Variants in ARRB1 observed in about 807,000 individuals in gnomAD.
ARRB1 encodes beta-arrestin-1.
In ARRB1, 21 loss-of-function variants were observed where a neutral mutation model predicts 56.8. That is an observed-to-expected ratio of 0.37 (90% confidence interval 0.26 to 0.53). ARRB1 has a LOEUF of 0.53. ARRB1 is among the 20% of genes least tolerant of loss of function. The pLI, the probability that ARRB1 is intolerant of heterozygous loss-of-function variation, is 0.88. For synonymous variants in ARRB1, 210 were observed against 218.6 expected, an observed-to-expected ratio of 0.96 and a Z score of 0.35; for missense variants, 424 against 553.7, an observed-to-expected ratio of 0.77 and a Z score of 2.35.
At chr11:75,266,315 G>A (rs1222393430) in intron 15 of ARRB1, 41 bp from the exon 16 acceptor site, 9 of 1,547,174 alleles carry the variant, frequency 5.8e-6, no homozygotes, top group Non-Finnish European at 8.0e-6. Context: ...GTTTGCAGGG[G>A]CAGGGAGAGT....
intron 1 of ARRB1, among the ~76,000 whole-genome samples, chr11:75,301,558 T>TA (rs200373325): frequency 0.023 from 3,577 of 152,284 alleles, 62 homozygotes; most frequent in Non-Finnish European, 0.035. Flanking sequence ...CTCAATCCCA[T>TA]ACGTTCCCCC....
intron 1 of ARRB1, among the ~76,000 whole-genome samples, chr11:75,329,065 G>C (rs1202883100): frequency 6.6e-6 from 1 of 151,618 alleles, no homozygotes; most frequent in Non-Finnish European, 1.5e-5. Context: ...ACTTCGCTGG[G>C]ACCATTCCTT....
At chr11:75,334,065 C>T (rs1947563479) in intron 1 of ARRB1, among the ~76,000 whole-genome samples, 1 of 152,164 alleles carries the variant, frequency 6.6e-6, no homozygotes, top group Non-Finnish European at 1.5e-5. Flanking sequence ...GGCGCGGTGG[C>T]TCACGCTTGT....
chr11:75,271,677 A>C (rs1229519529), intron 13 of ARRB1, 24 bp downstream of exon 13: 1 of 1,559,218 alleles, frequency 6.4e-7, no homozygotes, highest in Non-Finnish European at 8.7e-7. Context: ...AGGTGGGTGA[A>C]CCAGGTGGAA....
At chr11:75,347,449 C>T (rs1401035515) in intron 1 of ARRB1, among the ~76,000 whole-genome samples, 1 of 152,192 alleles carries the variant, frequency 6.6e-6, no homozygotes, top group Non-Finnish European at 1.5e-5. Context: ...AAGGAAATTC[C>T]ATTCCCTACC....
chr11:75,290,291 G>T (rs1442506529), intron 1 of ARRB1, among the ~76,000 whole-genome samples: 1 of 152,190 alleles, frequency 6.6e-6, no homozygotes, highest in African/African-American at 2.4e-5. Context: ...AGGGCAGGCT[G>T]CGGGAGTCTC....
At chr11:75,284,082 C>T (rs910216641) in intron 4 of ARRB1, among the ~76,000 whole-genome samples, 153 bp downstream of exon 4, 1 of 152,080 alleles carries the variant, frequency 6.6e-6, no homozygotes, top group Non-Finnish European at 1.5e-5. Flanking sequence ...GGGGCAGGGC[C>T]GTCCCAGGCT....
intron 1 of ARRB1, among the ~76,000 whole-genome samples, chr11:75,318,904 C>T (rs565828224): frequency 6.6e-6 from 1 of 152,230 alleles, no homozygotes; most frequent in South Asian, 2.1e-4. Flanking sequence ...ATGGCCAGCC[C>T]TACTAAGAAG....
intron 1 of ARRB1, among the ~76,000 whole-genome samples, chr11:75,315,746 G>A (rs1947253822): frequency 6.6e-6 from 1 of 152,118 alleles, no homozygotes; most frequent in Admixed American, 6.5e-5. Context: ...GGTCACGGCT[G>A]GATACTTAGG....
intron 1 of ARRB1, among the ~76,000 whole-genome samples, chr11:75,314,787 T>A (rs559726238): frequency 2.3e-3 from 357 of 152,166 alleles, no homozygotes; most frequent in Non-Finnish European, 2.1e-3. Context: ...TTGTATTTTT[T>A]GTAGCGATGG....
chr11:75,323,481 G>A (rs946542109), intron 1 of ARRB1, among the ~76,000 whole-genome samples: 2 of 152,096 alleles, frequency 1.3e-5, no homozygotes, highest in Admixed American at 6.6e-5. Context: ...TTAGCCAGGC[G>A]TGGTGGTGCA....
At chr11:75,340,993 C>G (rs940278845) in intron 1 of ARRB1, among the ~76,000 whole-genome samples, 4 of 152,104 alleles carry the variant, frequency 2.6e-5, no homozygotes, top group Non-Finnish European at 4.4e-5. Flanking sequence ...CTGGCCGGCA[C>G]AGCCCCCACT....
chr11:75,266,135 G>T lies in ARRB1; in HGVS notation c.*28C>A, dbSNP rs776705466. The T allele has an allele frequency of 9.6e-6, 15 of 1,567,906 alleles. No individual in the cohort carries two copies. The highest frequency in any genetic ancestry group is 1.3e-5 in the Non-Finnish European group (15 of 1,138,056). On this transcript the variant is annotated 3_prime_UTR_variant, in exon 16 of 16. Transcript: ENST00000420843. The stretch of plus-strand genomic sequence containing the variant: ...ATCCGAGTGCACGAGAGTGGAGCCG[G>T]AGCCACGTGGAGGCAGGGCCGGCCC...
chr11:75,333,846 C>A (rs945950753), intron 1 of ARRB1, among the ~76,000 whole-genome samples: 3 of 152,228 alleles, frequency 2.0e-5, no homozygotes, highest in African/African-American at 7.2e-5. Flanking sequence ...TTGCTGCCAA[C>A]AAACTCCGCT....
chr11:75,345,281 C>T (rs553523773), intron 1 of ARRB1, among the ~76,000 whole-genome samples: 41 of 152,264 alleles, frequency 2.7e-4, no homozygotes, highest in African/African-American at 9.9e-4. Context: ...AGGCGCGTCT[C>T]CCGAGAGATG....
intron 1 of ARRB1, among the ~76,000 whole-genome samples, chr11:75,334,337 C>T (rs941026412): frequency 1.3e-5 from 2 of 151,808 alleles, no homozygotes; most frequent in African/African-American, 2.4e-5. Flanking sequence ...GGCCCCATCC[C>T]GGTTACAACA....
intron 1 of ARRB1, among the ~76,000 whole-genome samples, chr11:75,317,524 C>T (rs907262515): frequency 9.2e-5 from 14 of 152,182 alleles, no homozygotes; most frequent in African/African-American, 3.1e-4. Flanking sequence ...TAGGTCAGAT[C>T]CCCCCATCAG....
intron 1 of ARRB1, among the ~76,000 whole-genome samples, chr11:75,348,773 T>C (rs1167885312): frequency 6.6e-6 from 1 of 152,076 alleles, no homozygotes; most frequent in Non-Finnish European, 1.5e-5. Flanking sequence ...AATTTTTGTG[T>C]TTTTTGTAGA....
chr11:75,281,064 A>G lies in ARRB1; in HGVS notation c.482+11T>C. 1 of 1,598,476 alleles carries G rather than the reference A, an allele frequency of 6.3e-7. No homozygotes were observed. On this transcript the variant is annotated intron_variant, in intron 7 of 15. Transcript: ENST00000420843. ...CCCAGCAGGCGGCCCACACCCTGGC[A>G]TCCTACTCACCGCTTGTGGATCTTC...
Sources: allele counts gnomAD v4.1 joint callset (sites outside exome capture counted in the v4.1 genomes callset), GRCh38; gene constraint gnomAD v4.1.1; transcripts MANE v1.5; gene names NCBI Gene and HGNC (gene_info 2026-07-23, HGNC 2026-07-21).